Variants in CSMD1 observed in about 807,000 individuals in gnomAD.
The protein encoded by CSMD1 is CUB and Sushi multiple domains 1, also known as CUB and sushi domain-containing protein 1.
In CSMD1, 213 loss-of-function variants were observed where a neutral mutation model predicts 417.5. The ratio of observed to expected loss-of-function variants is 0.51; its 90% CI spans 0.46 to 0.57. The LOEUF is 0.57. Among genes scored for constraint, CSMD1 ranks in the 20% least tolerant of loss-of-function variants. The pLI is 0.00. For synonymous variants in CSMD1, 2,862 were observed against 1,736.8 expected, an observed-to-expected ratio of 1.65 and a Z score of -16.11; for missense variants, 6,923 against 4,529.7, an observed-to-expected ratio of 1.53 and a Z score of -15.17.
intron 1 of CSMD1, among the ~76,000 whole-genome samples, chr8:4,662,990 GAGA>G (rs1804695923): frequency 6.6e-6 from 1 of 152,240 alleles, no homozygotes; most frequent in Non-Finnish European, 1.5e-5. Context: ...TTTTCATGTG[GAGA>G]AGGCTTTTGT....
chr8:4,758,218 G>C (rs188505214), intron 1 of CSMD1, among the ~76,000 whole-genome samples: 1 of 152,194 alleles, frequency 6.6e-6, no homozygotes, highest in Non-Finnish European at 1.5e-5. Flanking sequence ...TGCTGTTCCT[G>C]TCTTTATCTG....
intron 5 of CSMD1, among the ~76,000 whole-genome samples, chr8:3,970,323 G>T (rs1434118952): frequency 6.6e-6 from 1 of 152,140 alleles, no homozygotes; most frequent in East Asian, 1.9e-4. Context: ...GATCAACACA[G>T]AGAATCCTAT....
chr8:4,796,839 G>C (rs1414223180), intron 1 of CSMD1, among the ~76,000 whole-genome samples: 1 of 152,074 alleles, frequency 6.6e-6, no homozygotes, highest in African/African-American at 2.4e-5. Flanking sequence ...AATTTCTCTT[G>C]GACAATTGCA....
chr8:3,940,992 G>A (rs896517731), intron 5 of CSMD1, among the ~76,000 whole-genome samples: 5 of 149,244 alleles, frequency 3.4e-5, no homozygotes, highest in African/African-American at 5.0e-5. Flanking sequence ...TTTATTTTTT[G>A]GAGGCATAAT....
At chr8:4,914,414 A>C (rs2117105274) in intron 1 of CSMD1, among the ~76,000 whole-genome samples, 1 of 151,976 alleles carries the variant, frequency 6.6e-6, no homozygotes, top group Admixed American at 6.6e-5. Context: ...GTCTCCACTA[A>C]AAAATACAAA....
intron 3 of CSMD1, among the ~76,000 whole-genome samples, chr8:4,411,705 CAT>C (rs1038852128): frequency 3.9e-5 from 6 of 152,086 alleles, no homozygotes; most frequent in African/African-American, 1.4e-4. Flanking sequence ...CTCACGAAAG[CAT>C]ATATATATGT....
Position 3,788,669 on chromosome 8 carries a change from G to C in CSMD1, c.819-34627C>G, listed in dbSNP as rs143489043. 2.7e-3 allele frequency among the ~76,000 whole-genome samples: 414 copies of C among 152,308 alleles called. 2 individuals are homozygous for C. The highest frequency in any genetic ancestry group is 9.2e-3 in the African/African-American group (383 of 41,548). Reference sequence around the variant, plus strand: ...GAGGTAGATAAATGTAGACAAAAATGTAAGTACCTCTCCATCTACAGACAC... The same window carrying C: ...GAGGTAGATAAATGTAGACAAAAATCTAAGTACCTCTCCATCTACAGACAC... On this transcript the variant is annotated intron_variant, in intron 5 of 69. Coordinates refer to ENST00000635120, the MANE Select transcript of CSMD1 (RefSeq NM_033225.6).
chr8:3,876,331 A>G (rs1267265566), intron 5 of CSMD1, among the ~76,000 whole-genome samples: 3 of 152,202 alleles, frequency 2.0e-5, no homozygotes, highest in African/African-American at 7.2e-5. Flanking sequence ...TTCAAAGCCC[A>G]GGATGACTGT....
rs551119855 is a variant in CSMD1, at chr8:3,360,169, T to C, written c.3116-829A>G. Among the ~76,000 whole-genome samples the C allele has an allele frequency of 1.9e-4, 29 of 152,316 alleles. 1 individual carries two copies. In the South Asian group the frequency reaches 3.9e-3, roughly 21 times the overall value. ...CTGTTTATTTTCAATCTGTAAACCATGTGAGATTGAAAAGTAGTAGACAAG... is the reference window on the plus strand; with the variant it reads ...CTGTTTATTTTCAATCTGTAAACCACGTGAGATTGAAAAGTAGTAGACAAG... On this transcript the variant is annotated intron_variant, in intron 20 of 69. Coordinates refer to ENST00000635120, the MANE Select transcript of CSMD1 (RefSeq NM_033225.6).
rs1343082931 is a variant in CSMD1 at position 3,864,241 on chromosome 8, T to A, written c.819-110199A>T. 2.6e-5 allele frequency among the ~76,000 whole-genome samples: 4 copies of A among 152,238 alleles called. No individual in the cohort carries two copies. The East Asian group carries it at 7.7e-4, about 29-fold the overall frequency. On this transcript the variant is annotated intron_variant, in intron 5 of 69. Coordinates refer to ENST00000635120, the MANE Select transcript of CSMD1 (RefSeq NM_033225.6). The stretch of plus-strand genomic sequence containing the variant: ...CTTGCTCATACAAACCCATAGACTG[T>A]TGTTAAAATTAAACTCCTGTGGGAA...
chr8:3,604,689 G>T (rs1801525700), intron 8 of CSMD1, among the ~76,000 whole-genome samples: 1 of 152,160 alleles, frequency 6.6e-6, no homozygotes, highest in Non-Finnish European at 1.5e-5. Context: ...GAGGTCCCTA[G>T]ATATCTCTCC....
chr8:4,812,921 A>G (rs1798992743), intron 1 of CSMD1, among the ~76,000 whole-genome samples: 1 of 152,198 alleles, frequency 6.6e-6, no homozygotes, highest in African/African-American at 2.4e-5. Flanking sequence ...GTTTATAGCA[A>G]CACTAAATCA....
At chr8:3,289,894 C>G (rs867760779) in intron 25 of CSMD1, among the ~76,000 whole-genome samples, 3 of 147,492 alleles carry the variant, frequency 2.0e-5, no homozygotes, top group South Asian at 2.1e-4. Context: ...GACATGAAGT[C>G]CTTACCCATG....
chr8:3,794,290 T>C (rs1213246348), intron 5 of CSMD1, among the ~76,000 whole-genome samples: 2 of 152,176 alleles, frequency 1.3e-5, no homozygotes, highest in African/African-American at 2.4e-5. Flanking sequence ...TTCCTAGGTG[T>C]AGCGACTTCA....
chr8:4,350,005 C>T (rs1437324875), intron 3 of CSMD1, among the ~76,000 whole-genome samples: 3 of 151,930 alleles, frequency 2.0e-5, no homozygotes, highest in Non-Finnish European at 4.4e-5. Context: ...GTCCCTGAGC[C>T]CTGGAATCTT....
chr8:4,888,467 G>T (rs1487678895), intron 1 of CSMD1, among the ~76,000 whole-genome samples: 3 of 151,720 alleles, frequency 2.0e-5, no homozygotes, highest in Non-Finnish European at 2.9e-5. Context: ...GCACGTATAG[G>T]TGTGTGAGCA....
At chr8:4,403,863 C>G (rs1019239450) in intron 3 of CSMD1, among the ~76,000 whole-genome samples, 1 of 152,142 alleles carries the variant, frequency 6.6e-6, no homozygotes, top group African/African-American at 2.4e-5. Context: ...TTACATTTAA[C>G]TTGCCTAAAA....
At chr8:3,050,300 A>G (rs1811736314) in intron 50 of CSMD1, among the ~76,000 whole-genome samples, 1 of 152,158 alleles carries the variant, frequency 6.6e-6, no homozygotes, top group Non-Finnish European at 1.5e-5. Context: ...CCAACTTCAA[A>G]TCTGCAAATT....
At chr8:3,857,546 G>A (rs980445762) in intron 5 of CSMD1, among the ~76,000 whole-genome samples, 1 of 152,204 alleles carries the variant, frequency 6.6e-6, no homozygotes, top group East Asian at 1.9e-4. Context: ...CACTGGAAAT[G>A]GCAGAGTCGT....
Sources: allele counts gnomAD v4.1 joint callset (sites outside exome capture counted in the v4.1 genomes callset), GRCh38; gene constraint gnomAD v4.1.1; transcripts MANE v1.5; gene names NCBI Gene and HGNC (gene_info 2026-07-23, HGNC 2026-07-21).